REXO4: variants seen among roughly 807,000 people sequenced by gnomAD.
REXO4 encodes the protein REX4 homolog, 3'-5' exonuclease.
REXO4 carries 29 observed loss-of-function variants against 39.9 expected under a neutral mutation model. That is an observed-to-expected ratio of 0.73 (90% CI 0.54 to 0.99). The LOEUF (loss-of-function observed/expected upper bound fraction) is 0.99. REXO4 is among the 50% of genes least tolerant of loss of function. REXO4 has a pLI of 0.00. For synonymous variants in REXO4, 184 were observed against 206.2 expected, an observed-to-expected ratio of 0.89 and a Z score of 0.92; for missense variants, 524 against 546.5, an observed-to-expected ratio of 0.96 and a Z score of 0.41.
At chr9:133,412,976 G>A in intron 2 of REXO4, 55 bp from the exon 3 acceptor site, 1 of 1,588,380 alleles carries the variant, frequency 6.3e-7, no homozygotes, top group Non-Finnish European at 8.6e-7. Context: ...CAACTGGTGG[G>A]GTGGGGCTGT....
chr9:133,417,830 C>T lies in REXO4; in HGVS notation c.15G>A (p.Lys5=). Residue 5 remains lysine (K), a synonymous_variant, in exon 1 of 8, where the codon AAG becomes AAA. Coordinates refer to ENST00000371942, the MANE Select transcript of REXO4 (RefSeq NM_020385.4). MGKA[K]VPASKRAPSS... is the part of the protein sequence containing the mutation. The stretch of plus-strand genomic sequence containing the variant: ...TCGGGGCGCGCTTGGAGGCGGGGAC[C>T]TTCGCCTTCCCCATCCTGCTGCCGT... 1.2e-6 allele frequency: 2 copies of T among 1,601,282 alleles called. No individual in the cohort carries two copies. Among genetic ancestry groups the T allele is most frequent in the African/African-American group, 1.3e-5 (1 of 74,988 alleles).
At position 133,412,333 on chromosome 9, in the gene REXO4, C is replaced by G; in HGVS notation, c.876G>C (p.Ala292=). The part of the protein sequence containing the change: ...PTEPVTDYRT[A]VSGIRPENLK... ...GGTTCTCAGGCCGAATCCCACTGAC[C>G]GCTGTCCTATAGTCCGTCACGGGCT... The change falls in exon 4 of 8, where the codon GCG becomes GCC. Residue 292 remains alanine (A), a synonymous_variant. Transcript: ENST00000371942. 1 of 1,614,056 alleles carries G rather than the reference C, an allele frequency of 6.2e-7. No individual in the cohort carries two copies. The highest frequency in any genetic ancestry group is 8.5e-7 in the Non-Finnish European group (1 of 1,180,028).
At position 133,414,793 on chromosome 9, in the gene REXO4, C is replaced by T. The variant is rs1554781181; in HGVS notation, c.444G>A (p.Lys148=). The change falls in exon 2 of 8, where the codon AAG becomes AAA. Residue 148 remains lysine, a synonymous_variant. Transcript: ENST00000371942. ...TCTTATTGTGCTCTGTTCCACTGGC[C>T]TTGGTGCGAGGTACTGGCGCCCTCC... is the stretch of plus-strand genomic sequence containing the variant. ...MDRRAPVPRT[K]ASGTEHNKKG... 6.2e-7 allele frequency: 1 copy of T among 1,614,162 alleles called. No homozygotes were observed. Among genetic ancestry groups the T allele is most frequent in the South Asian group, 1.1e-5 (1 of 91,074 alleles).
chr9:133,413,291 G>A (rs1588136303), intron 2 of REXO4, among the ~76,000 whole-genome samples: 1 of 152,012 alleles, frequency 6.6e-6, no homozygotes, highest in Non-Finnish European at 1.5e-5. Context: ...CAGTAGATAC[G>A]GGGTTTCGTC....
At position 133,407,800 on chromosome 9, in the gene REXO4, C is replaced by T. The variant is rs1476487607; in HGVS notation, c.1149+7G>A. 6.2e-7 allele frequency: 1 copy of T among 1,613,298 alleles called. No homozygotes were observed. Among genetic ancestry groups the T allele is most frequent in the Admixed American group, 1.7e-5 (1 of 59,996 alleles). On this transcript the variant is annotated splice_region_variant and intron_variant, in intron 7 of 7. Coordinates refer to ENST00000371942, the MANE Select transcript of REXO4 (RefSeq NM_020385.4). ...ACCCCATGAACTACCCCACAGGACA[C>T]ACTTACTGAACAGTGCTCCGCCTGC... is the stretch of plus-strand genomic sequence containing the variant.
chr9:133,408,675 T>C (rs1024055228), intron 6 of REXO4, 93 bp downstream of exon 6: 5 of 858,518 alleles, frequency 5.8e-6, no homozygotes, highest in Non-Finnish European at 9.5e-6. Context: ...ACAAAAACCC[T>C]TTAACCAACA....
intron 5 of REXO4, 54 bp downstream of exon 5, chr9:133,410,931 G>A: frequency 1.5e-6 from 2 of 1,337,736 alleles, no homozygotes; most frequent in Non-Finnish European, 2.2e-6. Context: ...AAGGGCGTGA[G>A]TGTAACACCC....
Position 133,417,930 on chromosome 9 carries a change from C to G in REXO4, c.-86G>C. ...GCGCCCTGGCAGCACAAGCGCCTGC[C>G]CAGGCCAGGCCGAAACACACCCACC... On this transcript the variant is annotated 5_prime_UTR_variant, in exon 1 of 8. Coordinates refer to ENST00000371942, the MANE Select transcript of REXO4 (RefSeq NM_020385.4). The G allele has an allele frequency of 7.7e-7, 1 of 1,300,642 alleles. No individual in the cohort carries two copies. The allele number at this position is 1,300,642 out of a possible 1,614,324, so 80.6% of individuals were successfully genotyped here. A position where few individuals can be genotyped will look rare whatever the true frequency, so the allele number is the denominator to read the frequency against.
upstream of REXO4, chr9:133,418,138 A>T: frequency 6.7e-6 from 3 of 450,720 alleles, no homozygotes; most frequent in South Asian, 9.0e-5. Context: ...CCGCCGCCTT[A>T]GCCAGCGGCA....
intron 2 of REXO4, 85 bp downstream of exon 2, chr9:133,414,580 G>T: frequency 8.4e-7 from 1 of 1,189,114 alleles, no homozygotes; most frequent in Non-Finnish European, 1.3e-6. Context: ...AGAGACTGCG[G>T]TGAGGCCACC....
chr9:133,407,112 G>A, intron 7 of REXO4, 40 bp from the exon 8 acceptor site: 1 of 1,608,802 alleles, frequency 6.2e-7, no homozygotes, highest in Non-Finnish European at 8.5e-7. Flanking sequence ...ACGAGGCATA[G>A]CCGCAGCCCA....
chr9:133,412,612 T>C, intron 3 of REXO4, 120 bp from the exon 4 acceptor site: 1 of 1,407,734 alleles, frequency 7.1e-7, no homozygotes, highest in Non-Finnish European at 9.8e-7. Flanking sequence ...CCCTCACTCA[T>C]TTGCACCCAC....
intron 3 of REXO4, 102 bp downstream of exon 3, chr9:133,412,676 C>T (rs28729896): frequency 0.084 from 126,978 of 1,509,588 alleles, 6,194 homozygotes; most frequent in African/African-American, 0.19. Flanking sequence ...AGGTGCTTGC[C>T]TCATTCACCT....
In REXO4 at chr9:133,418,004, TG is replaced by T; in HGVS notation, c.-161del. On this transcript the variant is annotated 5_prime_UTR_variant, in exon 1 of 8. Coordinates refer to ENST00000371942, the MANE Select transcript of REXO4 (RefSeq NM_020385.4). ...ACTCCGGAAGAGACCCCGCACGCGT[TG>T]CGCATACCTCAGCACGCACGCTCCA... 1.5e-6 allele frequency: 1 copy of T among 653,460 alleles called. No homozygotes were observed. The allele number at this position is 653,460 out of a possible 1,614,324, so 40.5% of individuals were successfully genotyped here.
intron 3 of REXO4, 139 bp from the exon 4 acceptor site, chr9:133,412,631 CT>C: frequency 1.4e-6 from 2 of 1,403,198 alleles, no homozygotes; most frequent in Non-Finnish European, 9.8e-7. Context: ...ACGTGACAAG[CT>C]CTGTGTGGTC....
At chr9:133,407,215 G>A (rs1838932713) in intron 7 of REXO4, 143 bp from the exon 8 acceptor site, 3 of 1,297,890 alleles carry the variant, frequency 2.3e-6, no homozygotes, top group Admixed American at 4.1e-5. Flanking sequence ...ATGTCACCAG[G>A]ACGGGGAGGG....
intron 1 of REXO4, among the ~76,000 whole-genome samples, chr9:133,416,551 A>G (rs1007799410): frequency 6.6e-6 from 1 of 152,106 alleles, no homozygotes; most frequent in Non-Finnish European, 1.5e-5. Context: ...GCAGTGAGCT[A>G]TGATCCTAAC....
At chr9:133,408,705 G>C (rs1033741845) in intron 6 of REXO4, 63 bp downstream of exon 6, 2 of 1,176,366 alleles carry the variant, frequency 1.7e-6, no homozygotes, top group Admixed American at 4.1e-5. Context: ...CCAGTGACCA[G>C]AAACAATGAA....
Position 133,412,495 on chromosome 9 carries a change from G to A in REXO4, c.717-3C>T, listed in dbSNP as rs782503520. 7 of 1,613,772 alleles carry A rather than the reference G, an allele frequency of 4.3e-6. No individual in the cohort carries two copies. In the African/African-American group the frequency reaches 9.3e-5, roughly 22 times the overall value. Reference sequence around the variant, plus strand: ...CCAAGGCTAAGGCTCTTGTCAGGCTGAAGGGTAACCAAAGGCTGTAGTTTA... The same window carrying A: ...CCAAGGCTAAGGCTCTTGTCAGGCTAAAGGGTAACCAAAGGCTGTAGTTTA... On this transcript the variant is annotated splice_polypyrimidine_tract_variant and splice_region_variant and intron_variant, in intron 3 of 7. Transcript: ENST00000371942.
Sources: gnomAD v4.1 joint callset for allele counts (sites outside exome capture counted in the v4.1 genomes callset) on GRCh38, gnomAD v4.1.1 for gene constraint, MANE v1.5 for transcripts, NCBI Gene and HGNC (gene_info 2026-07-23, HGNC 2026-07-21) for gene names.